The following CLCNKA variants were observed in gnomAD, a reference collection of about 807,000 sequenced individuals.
CLCNKA encodes chloride voltage-gated channel Ka.
In CLCNKA, 66 loss-of-function variants were observed where a neutral mutation model predicts 83.3. The ratio of observed to expected loss-of-function variants is 0.79; its 90% CI spans 0.65 to 0.97. CLCNKA has a LOEUF of 0.97. CLCNKA is among the 50% of genes least tolerant of loss of function. The pLI is 0.00. For missense variants in CLCNKA, 806 were observed against 888.7 expected (o/e 0.91, Z 1.18); for synonymous variants, 357 against 370.4 (o/e 0.96, Z 0.42).
chr1:16,029,045 G>A (rs370552154), intron 11 of CLCNKA, 81 bp from the exon 12 acceptor site: 31 of 1,564,256 alleles, frequency 2.0e-5, no homozygotes, highest in African/African-American at 1.8e-4. Context: ...GATTCCAGGC[G>A]GGGTCAGGCG....
At chr1:16,027,205 G>T in intron 7 of CLCNKA, 105 bp from the exon 8 acceptor site, 1 of 1,521,462 alleles carries the variant, frequency 6.6e-7, no homozygotes, top group Non-Finnish European at 9.1e-7. Context: ...CGGGCTGTAG[G>T]ACAGCAGGAC....
At chr1:16,022,257 C>T (rs2022160148) in intron 1 of CLCNKA, among the ~76,000 whole-genome samples, 194 bp downstream of exon 1, 1 of 152,044 alleles carries the variant, frequency 6.6e-6, no homozygotes, top group Non-Finnish European at 1.5e-5. Flanking sequence ...CAGGGAGAGT[C>T]GGAGCCATCC....
Position 16,032,274 on chromosome 1 carries a change from A to C in CLCNKA, c.1828A>C (p.Arg610=), listed in dbSNP as rs1173502131. The C allele has an allele frequency of 3.7e-6, 5 of 1,341,172 alleles. No individual in the cohort carries two copies. Among genetic ancestry groups the C allele is most frequent in the Middle Eastern group, 2.1e-4 (1 of 4,806 alleles). The allele number at this position is 1,341,172 out of a possible 1,614,324, so 83.1% of individuals were successfully genotyped here. A position where few individuals can be genotyped will look rare whatever the true frequency, so the allele number is the denominator to read the frequency against. Residue 610 remains arginine (R), a synonymous_variant, in exon 17 of 20, where the codon AGG becomes CGG. Transcript: ENST00000331433. ...VQALQAEPPS[R]APGHQQCLQD... ...GGCCCTCCAGGCTGAGCCTCCTTCC[A>C]GGGCTCCAGGACACCAGGTGGTTAC...
intron 10 of CLCNKA, chr1:16,028,533 C>T (rs1284721859): frequency 1.5e-5 from 10 of 678,916 alleles, no homozygotes; most frequent in Middle Eastern, 2.6e-4. Context: ...CAATCTCCTG[C>T]GTGATTCCTC....
intron 15 of CLCNKA, 106 bp from the exon 16 acceptor site, chr1:16,031,604 A>G: frequency 3.3e-6 from 5 of 1,531,728 alleles, no homozygotes; most frequent in South Asian, 1.2e-5. Flanking sequence ...CTCACACTCC[A>G]GAGCCGTGGG....
Position 16,029,994 on chromosome 1 carries a change from G to T in CLCNKA, c.1327G>T (p.Ala443Ser), listed in dbSNP as rs387907409. The T allele has an allele frequency of 1.2e-6, 2 of 1,611,498 alleles. No individual in the cohort carries two copies. Among genetic ancestry groups the T allele is most frequent in the Admixed American group, 1.7e-5 (1 of 60,018 alleles). Residue 443 changes from alanine to serine, a missense_variant, in exon 14 of 20, where the codon GCT becomes TCT. Physicochemically the swap from Ala to Ser is moderately conservative, Grantham distance 99 (BLOSUM62 1). Transcript: ENST00000331433. The stretch of plus-strand genomic sequence containing the variant: ...TGCCATCGGGCGCCTCTTGGGAGAG[G>T]CTCTTGCCGTCGCCTTCCCTGAGGG... The part of the protein sequence containing the change: ...GAAIGRLLGE[A>S]LAVAFPEGIV...
rs2022634033 is a variant in CLCNKA at position 16,031,730 on chromosome 1, A to G, written c.1643A>G (p.Glu548Gly). The change falls in exon 16 of 20, where the codon GAG (glutamate) becomes GGG (glycine). Residue 548 changes from glutamate (E) to glycine (G), a missense_variant. Coordinates refer to ENST00000331433, the MANE Select transcript of CLCNKA (RefSeq NM_004070.4). ...RNIGSHHVRV[E>G]HFMNHSITTL... ...TGCAGCTCCCACCATGTGAGGGTGG[A>G]GCACTTCATGAACCACAGCATCACC... is the stretch of plus-strand genomic sequence containing the variant. 1.2e-6 allele frequency: 2 copies of G among 1,613,814 alleles called. No individual in the cohort carries two copies. The highest frequency in any genetic ancestry group is 1.7e-6 in the Non-Finnish European group (2 of 1,180,024).
chr1:16,024,219 G>A (rs2022257021), intron 3 of CLCNKA, among the ~76,000 whole-genome samples: 1 of 152,196 alleles, frequency 6.6e-6, no homozygotes, highest in Non-Finnish European at 1.5e-5. Context: ...TCCCTCCTCC[G>A]TGCCTTGGGG....
intron 17 of CLCNKA, 46 bp from the exon 18 acceptor site, chr1:16,032,397 T>C (rs1412652229): frequency 6.4e-7 from 1 of 1,573,788 alleles, no homozygotes. Context: ...GAGAGAGGCA[T>C]CCTGGGGAGG....
At position 16,028,846 on chromosome 1, in the gene CLCNKA, G is replaced by A. The variant is rs1489149409; in HGVS notation, c.1053+1G>A. On this transcript the variant is annotated splice_donor_variant, in intron 11 of 19. Transcript: ENST00000331433. LOFTEE classifies it high-confidence loss of function. ...TGTGGGCCACTTCCTAGCTTCTCGGGTAAGGGGTCCTGAGCGGGGGTGGCA... is the reference window on the plus strand; with the variant it reads ...TGTGGGCCACTTCCTAGCTTCTCGGATAAGGGGTCCTGAGCGGGGGTGGCA... 2 of 1,613,902 alleles carry A rather than the reference G, an allele frequency of 1.2e-6. No homozygotes were observed. The highest frequency in any genetic ancestry group is 1.3e-5 in the African/African-American group (1 of 74,920).
At chr1:16,026,899 C>G (rs2022377508) in intron 7 of CLCNKA, 124 bp downstream of exon 7, 2 of 1,366,046 alleles carry the variant, frequency 1.5e-6, no homozygotes, top group African/African-American at 2.9e-5. Context: ...CTCACTTCAG[C>G]CCCGCTTTGG....
intron 2 of CLCNKA, 71 bp from the exon 3 acceptor site, chr1:16,023,729 A>T: frequency 6.3e-7 from 1 of 1,589,352 alleles, no homozygotes; most frequent in Non-Finnish European, 8.6e-7. Flanking sequence ...GGAGCCAAGC[A>T]GACCTCCAGG....
intron 8 of CLCNKA, 81 bp downstream of exon 8, chr1:16,027,516 T>C (rs1386607905): frequency 2.0e-5 from 32 of 1,578,404 alleles, no homozygotes; most frequent in East Asian, 2.2e-5. Context: ...TGTGTACATC[T>C]CTTGCTCTTC....
chr1:16,028,082 A>G lies in CLCNKA; in HGVS notation c.931A>G (p.Lys311Glu). The G allele has an allele frequency of 6.3e-7, 1 of 1,581,768 alleles. No individual in the cohort carries two copies. The highest frequency in any genetic ancestry group is 1.1e-5 in the South Asian group (1 of 90,768). ...TCAGCGAACCTTCCTCAGCTTCATCAAGACCAATCGGTACAGCTCCAAACT... is the reference window on the plus strand; with the variant it reads ...TCAGCGAACCTTCCTCAGCTTCATCGAGACCAATCGGTACAGCTCCAAACT... Reference protein sequence around the residue: ...FCQRTFLSFIKTNRYSSKLLA... With the variant: ...FCQRTFLSFIETNRYSSKLLA... Residue 311 changes from lysine to glutamate, a missense_variant, in exon 10 of 20, where the codon AAG (lysine) becomes GAG (glutamate). Coordinates refer to ENST00000331433, the MANE Select transcript of CLCNKA (RefSeq NM_004070.4).
rs546852162 is a variant in CLCNKA, at chr1:16,033,181, C to T, written c.1941C>T (p.Leu647=). 6 of 1,614,190 alleles carry T rather than the reference C, an allele frequency of 3.7e-6. No homozygotes were observed. In the Admixed American group the frequency reaches 1.0e-4, roughly 27 times the overall value. Residue 647 remains leucine (L), a synonymous_variant, in exon 19 of 20, where the codon CTC becomes CTT. Coordinates refer to ENST00000331433, the MANE Select transcript of CLCNKA (RefSeq NM_004070.4). ...SETTLHQAQN[L]FKLLNLQSLF... ...AATCCCCCATCCAGGCACAAAACCT[C>T]TTTAAGCTGTTGAACCTTCAGTCCC...
In CLCNKA at chr1:16,026,254, T is replaced by G. The variant is rs2124029634; in HGVS notation, c.498+7T>G. On this transcript the variant is annotated splice_region_variant and intron_variant, in intron 5 of 19. Transcript: ENST00000331433. ...CCTGTTCCTGGGCAAAGTGGTATGGTCAGGTGTGAGGGCACCCCAGCCACC... is the reference window on the plus strand; with the variant it reads ...CCTGTTCCTGGGCAAAGTGGTATGGGCAGGTGTGAGGGCACCCCAGCCACC... 1 of 1,613,608 alleles carries G rather than the reference T, an allele frequency of 6.2e-7. No individual in the cohort carries two copies. Among genetic ancestry groups the G allele is most frequent in the Non-Finnish European group, 8.5e-7 (1 of 1,180,008 alleles).
At position 16,033,929 on chromosome 1, in the gene CLCNKA, G is replaced by A; in HGVS notation, c.*271G>A. ...GTATCTGCCAGGTGCTCAGTGACTG[G>A]CCATCACATTAATGAATGACGAGAT... On this transcript the variant is annotated 3_prime_UTR_variant, in exon 20 of 20. Transcript: ENST00000331433. 2.0e-6 allele frequency: 1 copy of A among 505,080 alleles called. No homozygotes were observed. 31.3% of individuals were successfully genotyped at this position (505,080 alleles called of 1,614,324 possible).
At chr1:16,027,267 T>C (rs774449207) in intron 7 of CLCNKA, 43 bp from the exon 8 acceptor site, 5 of 1,594,550 alleles carry the variant, frequency 3.1e-6, no homozygotes, top group Non-Finnish European at 4.3e-6. Context: ...CAGCCACAGG[T>C]GGGTGGGGGT....
chr1:16,024,004 A>G, intron 3 of CLCNKA, 76 bp downstream of exon 3: 1 of 1,577,810 alleles, frequency 6.3e-7, no homozygotes, highest in Non-Finnish European at 8.7e-7. Context: ...ATGGGCCACC[A>G]AGTGCAGCGG....
Sources: gnomAD v4.1 joint callset for allele counts (sites outside exome capture counted in the v4.1 genomes callset) on GRCh38, gnomAD v4.1.1 for gene constraint, MANE v1.5 for transcripts, NCBI Gene and HGNC (gene_info 2026-07-23, HGNC 2026-07-21) for gene names.